SLC71A1: variants seen among roughly 807,000 people sequenced by gnomAD.
SLC71A1 encodes solute carrier family 71 member 1, also known as hippocampus abundant gene transcript 1.
the SLC71A1 span, chr1:100,038,337 G>A: frequency 1.4e-5 from 22 of 1,550,252 alleles, no homozygotes; most frequent in African/African-American, 2.7e-5. Flanking sequence ...TTCCGCGCCG[G>A]CGAGCGTCCC....
the SLC71A1 span, among the ~76,000 whole-genome samples, chr1:100,063,978 TAGTG>T: frequency 3.3e-5 from 5 of 152,166 alleles, no homozygotes; most frequent in Admixed American, 6.5e-5. Context: ...GTGACCCTCA[TAGTG>T]AGAACCATTT....
chr1:100,063,115 A>G, the SLC71A1 span, among the ~76,000 whole-genome samples: 2 of 152,144 alleles, frequency 1.3e-5, no homozygotes, highest in African/African-American at 2.4e-5. Flanking sequence ...CTGTTATGCA[A>G]ACACCACCAT....
At chr1:100,078,720 C>T in the SLC71A1 span, 4 of 513,784 alleles carry the variant, frequency 7.8e-6, no homozygotes, top group African/African-American at 1.9e-5. Flanking sequence ...TAGGTAGATA[C>T]ATATTCCCTT....
chr1:100,060,078 T>A, the SLC71A1 span: 1 of 1,384,094 alleles, frequency 7.2e-7, no homozygotes, highest in Middle Eastern at 1.9e-4. Flanking sequence ...CCTTTATTTC[T>A]TTCACTTGTG....
chr1:100,054,035 T>C, the SLC71A1 span, among the ~76,000 whole-genome samples: 1 of 151,064 alleles, frequency 6.6e-6, no homozygotes, highest in East Asian at 1.9e-4. Context: ...TTTTTTTTTT[T>C]CTTTCCTTTT....
chr1:100,047,760 G>T, the SLC71A1 span, among the ~76,000 whole-genome samples: 2 of 152,120 alleles, frequency 1.3e-5, no homozygotes, highest in African/African-American at 4.8e-5. Context: ...CCTGAAGGAG[G>T]TTTGCTAGTA....
the SLC71A1 span, among the ~76,000 whole-genome samples, chr1:100,043,945 C>G: frequency 6.6e-6 from 1 of 152,156 alleles, no homozygotes; most frequent in African/African-American, 2.4e-5. Context: ...TCTTTATCCA[C>G]TTGTTGGTCA....
the SLC71A1 span, chr1:100,069,744 G>T: frequency 3.9e-6 from 4 of 1,016,702 alleles, no homozygotes; most frequent in East Asian, 9.5e-5. Flanking sequence ...ATCCAAACTG[G>T]GGCCTCATCT....
the SLC71A1 span, among the ~76,000 whole-genome samples, chr1:100,074,767 C>T: frequency 1.3e-5 from 2 of 151,950 alleles, no homozygotes; most frequent in African/African-American, 4.8e-5. Flanking sequence ...CCCAGCTACT[C>T]GGGAGGCTGA....
chr1:100,069,209 C>T, the SLC71A1 span, among the ~76,000 whole-genome samples: 1 of 152,144 alleles, frequency 6.6e-6, no homozygotes, highest in African/African-American at 2.4e-5. Context: ...CCTGCTCCAG[C>T]TTCTTTGTGA....
the SLC71A1 span, among the ~76,000 whole-genome samples, chr1:100,081,693 T>A: frequency 6.6e-6 from 1 of 152,288 alleles, no homozygotes; most frequent in African/African-American, 2.4e-5. Context: ...ATTTTTGAGA[T>A]CTTTCTATAA....
the SLC71A1 span, chr1:100,061,782 G>T: frequency 3.6e-6 from 4 of 1,115,088 alleles, no homozygotes; most frequent in Non-Finnish European, 5.4e-6. Flanking sequence ...AATGAAAGAA[G>T]ATTAAAACAA....
the SLC71A1 span, among the ~76,000 whole-genome samples, chr1:100,042,229 C>T: frequency 6.6e-6 from 1 of 152,142 alleles, no homozygotes; most frequent in African/African-American, 2.4e-5. Context: ...ATGTATAGTT[C>T]TTTCAGAAGT....
chr1:100,077,167 C>T, the SLC71A1 span: 79 of 1,298,102 alleles, frequency 6.1e-5, no homozygotes, highest in Admixed American at 8.9e-5. Context: ...TTTTTCAGAC[C>T]ATAGTCTTGA....
At chr1:100,038,172 G>A in the SLC71A1 span, 2 of 1,438,634 alleles carry the variant, frequency 1.4e-6, no homozygotes, top group Non-Finnish European at 1.9e-6. Context: ...GACGGCACTA[G>A]CTGCTGGGGC....
the SLC71A1 span, among the ~76,000 whole-genome samples, chr1:100,046,976 C>G: frequency 5.3e-5 from 8 of 152,176 alleles, no homozygotes; most frequent in Admixed American, 1.3e-4. Flanking sequence ...TTAGGGTTCT[C>G]TCTATATAAG....
the SLC71A1 span, among the ~76,000 whole-genome samples, chr1:100,074,951 A>G: frequency 6.6e-6 from 1 of 152,256 alleles, no homozygotes; most frequent in Non-Finnish European, 1.5e-5. Flanking sequence ...AATGAGGCTA[A>G]TAATGCATTC....
chr1:100,064,101 ATATGTATGTGTGTGTGTG>A, the SLC71A1 span, among the ~76,000 whole-genome samples: 1 of 152,070 alleles, frequency 6.6e-6, no homozygotes, highest in African/African-American at 2.4e-5. Context: ...ATATATATTT[ATATGTATGTGTGTGTGTG>A]TATGTATGTG....
the SLC71A1 span, chr1:100,080,469 A>G: frequency 6.3e-7 from 1 of 1,590,180 alleles, no homozygotes. Flanking sequence ...GTAGTTTACT[A>G]AGTGATAATT....
Sources: allele counts gnomAD v4.1 joint callset (sites outside exome capture counted in the v4.1 genomes callset), GRCh38; gene constraint gnomAD v4.1.1; transcripts MANE v1.5; gene names NCBI Gene and HGNC (gene_info 2026-07-23, HGNC 2026-07-21).